PSEN1: variants seen among roughly 807,000 people sequenced by gnomAD.
The protein encoded by PSEN1 is presenilin 1, also known as presenilin-1.
In PSEN1, 15 loss-of-function variants were observed where a neutral mutation model predicts 53.5. The observed-to-expected ratio is 0.28, with a 90% CI of 0.19 to 0.43. The LOEUF (loss-of-function observed/expected upper bound fraction) is 0.43, where lower values mean the gene tolerates loss of function less well. PSEN1 is among the 20% of genes least tolerant of loss of function. The pLI is 1.00. For synonymous variants in PSEN1, 208 were observed against 209.8 expected (o/e 0.99, Z 0.08); for missense variants, 387 against 571.2 (o/e 0.68, Z 3.29).
chr14:73,167,526 T>C (rs1053943246), intron 3 of PSEN1, among the ~76,000 whole-genome samples: 46 of 152,188 alleles, frequency 3.0e-4, no homozygotes, highest in African/African-American at 1.1e-3. Context: ...CCCAGTCACC[T>C]CCTAAAGGCC....
chr14:73,154,280 A>G (rs949584270), intron 3 of PSEN1, among the ~76,000 whole-genome samples: 1 of 152,150 alleles, frequency 6.6e-6, no homozygotes, highest in Non-Finnish European at 1.5e-5. Context: ...ACCTAAATTC[A>G]TATTCAACTA....
chr14:73,143,220 C>T (rs1029468657), intron 1 of PSEN1, among the ~76,000 whole-genome samples: 3 of 152,178 alleles, frequency 2.0e-5, no homozygotes, highest in Non-Finnish European at 2.9e-5. Context: ...GTTTGTTCAC[C>T]AGGCCTGACT....
At chr14:73,215,452 G>A (rs1254388001) in intron 10 of PSEN1, among the ~76,000 whole-genome samples, 4 of 151,680 alleles carry the variant, frequency 2.6e-5, no homozygotes, top group African/African-American at 7.2e-5. Context: ...GCGTGGTGGC[G>A]CATGTCTGTA....
At chr14:73,154,803 T>C (rs2139994200) in intron 3 of PSEN1, among the ~76,000 whole-genome samples, 1 of 152,334 alleles carries the variant, frequency 6.6e-6, no homozygotes, top group African/African-American at 2.4e-5. Context: ...AATAAATATA[T>C]GAAAAGCCTA....
chr14:73,138,006 A>C (rs1896795675), intron 1 of PSEN1: 1 of 150,720 alleles, frequency 6.6e-6, no homozygotes, highest in African/African-American at 2.4e-5. Flanking sequence ...CGGGAGAAGG[A>C]GGTTGCAGTA....
chr14:73,157,235 C>T (rs533252285), intron 3 of PSEN1, among the ~76,000 whole-genome samples: 6 of 151,936 alleles, frequency 3.9e-5, no homozygotes, highest in African/African-American at 1.4e-4. Context: ...AAGCGATTCT[C>T]CTGCCTCAGC....
chr14:73,146,225 G>A (rs1378816298), intron 1 of PSEN1: 1 of 119,120 alleles, frequency 8.4e-6, no homozygotes, highest in African/African-American at 3.2e-5. Context: ...GTCTCACTCT[G>A]TTGCCCAGGC....
At position 73,185,613 on chromosome 14, in the gene PSEN1, A is replaced by G. The variant is rs568131652; in HGVS notation, c.481-1240A>G. On this transcript the variant is annotated intron_variant, in intron 5 of 11. Transcript: ENST00000324501. The stretch of plus-strand genomic sequence containing the variant: ...AGAGAGGGAGAGGGAGACCGTGGGG[A>G]GAGAGAGGGAGAGGGAGAGGGAGAG... Among the ~76,000 whole-genome samples, 259 of 151,556 alleles carry G rather than the reference A, an allele frequency of 1.7e-3. 2 individuals are homozygous for G. The highest frequency in any genetic ancestry group is 5.8e-3 in the African/African-American group (238 of 40,912).
intron 1 of PSEN1, among the ~76,000 whole-genome samples, chr14:73,143,988 TAAAAAAAAAAAAAAAAA>T (rs530235019): frequency 1.9e-5 from 1 of 53,196 alleles, no homozygotes; most frequent in South Asian, 1.0e-3. Flanking sequence ...CCTTGTCTCT[TAAAAAAAAAAAAAAAAA>T]AAAAAAAAAA....
intron 1 of PSEN1, among the ~76,000 whole-genome samples, chr14:73,138,551 C>T (rs901360283): frequency 1.3e-5 from 2 of 151,462 alleles, no homozygotes; most frequent in African/African-American, 4.9e-5. Flanking sequence ...GGGAGCCTCA[C>T]TATGTTGCCC....
At chr14:73,175,002 T>A (rs1201984970) in intron 5 of PSEN1, among the ~76,000 whole-genome samples, 1 of 152,172 alleles carries the variant, frequency 6.6e-6, no homozygotes, top group Non-Finnish European at 1.5e-5. Context: ...ATGCACCTTT[T>A]AAGGTCATTT....
intron 3 of PSEN1, among the ~76,000 whole-genome samples, chr14:73,159,306 C>T (rs1200074467): frequency 2.6e-5 from 4 of 152,048 alleles, no homozygotes; most frequent in Non-Finnish European, 5.9e-5. Context: ...CTCATTCTTC[C>T]AAACAGCTAG....
intron 3 of PSEN1, among the ~76,000 whole-genome samples, chr14:73,163,039 TC>T (rs1247428699): frequency 6.6e-6 from 1 of 152,226 alleles, no homozygotes; most frequent in Non-Finnish European, 1.5e-5. Context: ...TATTTTTATT[TC>T]CTTTCGATTA....
At chr14:73,218,661 TCCCGCACAGCATAGAGAATGCC>T (rs1900023080) in intron 11 of PSEN1, among the ~76,000 whole-genome samples, 1 of 148,038 alleles carries the variant, frequency 6.8e-6, no homozygotes, top group Admixed American at 6.7e-5. Flanking sequence ...TAAAGAATGC[TCCCGCACAGCATAGAGAATGCC>T]CCCGCACAGC....
At chr14:73,215,882 G>A (rs1029966501) in intron 10 of PSEN1, among the ~76,000 whole-genome samples, 3 of 152,162 alleles carry the variant, frequency 2.0e-5, no homozygotes, top group African/African-American at 7.2e-5. Context: ...TGTGGAATGT[G>A]ATTTGGCAGT....
intron 11 of PSEN1, among the ~76,000 whole-genome samples, chr14:73,218,622 C>A (rs966945877): frequency 6.6e-6 from 1 of 151,966 alleles, no homozygotes; most frequent in African/African-American, 2.4e-5. Flanking sequence ...ACGGAGGAGC[C>A]TGTGCGGGAA....
At chr14:73,175,478 CAA>C (rs757776517) in intron 5 of PSEN1, among the ~76,000 whole-genome samples, 2 of 134,594 alleles carry the variant, frequency 1.5e-5, no homozygotes, top group South Asian at 2.4e-4. Flanking sequence ...CTATCTCTAC[CAA>C]AAAAAAAAAA....
intron 9 of PSEN1, among the ~76,000 whole-genome samples, chr14:73,208,165 C>T (rs997460252): frequency 7.2e-5 from 11 of 152,220 alleles, no homozygotes; most frequent in African/African-American, 2.7e-4. Context: ...GGCCACATCT[C>T]TTCACTCCTC....
rs574950495 is a variant in PSEN1 at position 73,197,032 on chromosome 14, A to G, written c.770-999A>G. ...ACTGCAAGCTCCGCTTCCCGGGTTC[A>G]CGCCGTTCTCCTGCCTCAGCCTCCC... On this transcript the variant is annotated intron_variant, in intron 7 of 11. Transcript: ENST00000324501. 6.9e-3 allele frequency among the ~76,000 whole-genome samples: 1,008 copies of G among 146,134 alleles called. 10 individuals carry two copies. Among genetic ancestry groups the G allele is most frequent in the African/African-American group, 0.025 (967 of 39,138 alleles).
Sources: gnomAD v4.1 joint callset for allele counts (sites outside exome capture counted in the v4.1 genomes callset) on GRCh38, gnomAD v4.1.1 for gene constraint, MANE v1.5 for transcripts, NCBI Gene and HGNC (gene_info 2026-07-23, HGNC 2026-07-21) for gene names.